FLT1: variants seen among roughly 807,000 people sequenced by gnomAD.
The protein encoded by FLT1 is vascular endothelial growth factor receptor 1.
In FLT1, 49 loss-of-function variants were observed where a neutral mutation model predicts 156.3. That is an observed-to-expected ratio of 0.31 (90% CI 0.25 to 0.40). FLT1 has a LOEUF of 0.40. Among genes scored for constraint, FLT1 ranks in the 10% least tolerant of loss-of-function variants. The probability of loss-of-function intolerance (pLI) is 1.00; values close to 1 mark genes in which losing one functional copy is unlikely to be tolerated. For missense variants in FLT1, 1,322 were observed against 1,637.2 expected (o/e 0.81, Z 3.32); for synonymous variants, 594 against 583.8 (o/e 1.02, Z -0.25).
At chr13:28,431,408 G>A in intron 6 of FLT1, 98 bp from the exon 7 acceptor site, 2 of 863,818 alleles carry the variant, frequency 2.3e-6, no homozygotes, top group Non-Finnish European at 3.8e-6. Context: ...TTCGACAACA[G>A]CTTCTGTTTT....
intron 18 of FLT1, among the ~76,000 whole-genome samples, chr13:28,330,651 A>C (rs991131518): frequency 2.0e-5 from 3 of 146,774 alleles, no homozygotes; most frequent in African/African-American, 7.8e-5. Flanking sequence ...CTATTTAAAA[A>C]ATCTATTTCC....
chr13:28,373,604 C>T (rs1873716689), intron 14 of FLT1, among the ~76,000 whole-genome samples: 1 of 152,090 alleles, frequency 6.6e-6, no homozygotes, highest in Non-Finnish European at 1.5e-5. Flanking sequence ...GGAAAAAGTC[C>T]ATCTAATTAT....
At chr13:28,457,904 A>C in intron 3 of FLT1, among the ~76,000 whole-genome samples, 1 of 146,548 alleles carries the variant, frequency 6.8e-6, no homozygotes, top group South Asian at 2.2e-4. Flanking sequence ...TGCCATCTTT[A>C]GATTTCTTTT....
At chr13:28,431,505 C>A (rs1431893621) in intron 6 of FLT1, among the ~76,000 whole-genome samples, 195 bp from the exon 7 acceptor site, 1 of 152,170 alleles carries the variant, frequency 6.6e-6, no homozygotes, top group Non-Finnish European at 1.5e-5. Flanking sequence ...TGTAGCATAG[C>A]AGGATTTATT....
At chr13:28,481,239 C>G (rs1199608098) in intron 1 of FLT1, among the ~76,000 whole-genome samples, 1 of 152,130 alleles carries the variant, frequency 6.6e-6, no homozygotes, top group African/African-American at 2.4e-5. Context: ...GGAAGCAATT[C>G]TCTAGAAGAT....
chr13:28,486,673 C>G (rs1881186863), intron 1 of FLT1, among the ~76,000 whole-genome samples: 1 of 152,236 alleles, frequency 6.6e-6, no homozygotes, highest in Non-Finnish European at 1.5e-5. Flanking sequence ...AAAACAGTCC[C>G]CCTCTCCTCA....
chr13:28,378,050 CTTTT>C (rs869039457), intron 14 of FLT1, among the ~76,000 whole-genome samples: 4 of 136,162 alleles, frequency 2.9e-5, no homozygotes, highest in Non-Finnish European at 4.8e-5. Flanking sequence ...GAGACTTAAT[CTTTT>C]TTTTTTTTTT....
chr13:28,421,728 A>C (rs79954425), intron 10 of FLT1, among the ~76,000 whole-genome samples: 2,561 of 152,340 alleles, frequency 0.017, 72 homozygotes, highest in African/African-American at 0.058. Context: ...AACAGAAGGG[A>C]AACATCAGTG....
chr13:28,391,401 T>C (rs1874704437), intron 12 of FLT1, among the ~76,000 whole-genome samples: 1 of 152,260 alleles, frequency 6.6e-6, no homozygotes, highest in East Asian at 1.9e-4. Context: ...AATGCATACC[T>C]TATTGCCTCC....
intron 14 of FLT1, among the ~76,000 whole-genome samples, chr13:28,370,426 C>T (rs533333667): frequency 6.6e-6 from 1 of 152,178 alleles, no homozygotes; most frequent in African/African-American, 2.4e-5. Flanking sequence ...TGTAACAAAC[C>T]TGCACGGTGT....
chr13:28,397,087 CT>C lies in FLT1; in HGVS notation c.1552-20del. ...TAGCCATCTGCAAAAGAAAAGGAAA[CT>C]TTAGCTAGCAACAGGACAAATAACT... On this transcript the variant is annotated intron_variant, in intron 11 of 29. Transcript: ENST00000282397. 1 of 1,458,606 alleles carries C rather than the reference CT, an allele frequency of 6.9e-7. No individual in the cohort carries two copies. The highest frequency in any genetic ancestry group is 9.6e-7 in the Non-Finnish European group (1 of 1,038,374). The allele number at this position is 1,458,606 out of a possible 1,614,324, so 90.4% of individuals were successfully genotyped here. A position where few individuals can be genotyped will look rare whatever the true frequency, so the allele number is the denominator to read the frequency against.
At chr13:28,412,785 G>A (rs1876386794) in intron 10 of FLT1, among the ~76,000 whole-genome samples, 1 of 138,542 alleles carries the variant, frequency 7.2e-6, no homozygotes, top group Non-Finnish European at 1.5e-5. Flanking sequence ...CGCCCAGGCT[G>A]GAGTGCAGTG....
chr13:28,326,659 G>A (rs936411857), intron 20 of FLT1, among the ~76,000 whole-genome samples: 1 of 151,786 alleles, frequency 6.6e-6, no homozygotes, highest in Non-Finnish European at 1.5e-5. Context: ...CCTAGTAGCT[G>A]GGATTACAGG....
chr13:28,375,375 C>A (rs1873795384), intron 14 of FLT1, among the ~76,000 whole-genome samples: 1 of 86,766 alleles, frequency 1.2e-5, no homozygotes, highest in African/African-American at 3.8e-5. Context: ...GCGCATAAAG[C>A]AACATTTTCA....
chr13:28,339,538 T>G (rs1035550983), intron 16 of FLT1, among the ~76,000 whole-genome samples: 3 of 152,206 alleles, frequency 2.0e-5, no homozygotes, highest in Non-Finnish European at 4.4e-5. Flanking sequence ...CCATCCTATC[T>G]TGGATAACAT....
chr13:28,423,500 TCA>T (rs1164696600), intron 10 of FLT1, among the ~76,000 whole-genome samples: 1 of 152,058 alleles, frequency 6.6e-6, no homozygotes, highest in Non-Finnish European at 1.5e-5. Flanking sequence ...GCAAAACTGC[TCA>T]CTGTTGTCAA....
At position 28,444,357 on chromosome 13, in the gene FLT1, C is replaced by T. The variant is rs554560605; in HGVS notation, c.389-6012G>A. 2.4e-4 allele frequency among the ~76,000 whole-genome samples: 36 copies of T among 152,148 alleles called. No homozygotes were observed. The South Asian group carries it at 4.2e-3, about 18-fold the overall frequency. Reference sequence around the variant, plus strand: ...TCGGGAGGCTGAGGCAGGAGACTGGCTTGAACCCAGGAGGCAGATGTTGCA... The same window carrying T: ...TCGGGAGGCTGAGGCAGGAGACTGGTTTGAACCCAGGAGGCAGATGTTGCA... On this transcript the variant is annotated intron_variant, in intron 3 of 29. Coordinates refer to ENST00000282397, the MANE Select transcript of FLT1 (RefSeq NM_002019.4).
At chr13:28,345,916 A>C in intron 15 of FLT1, 1 of 210,604 alleles carries the variant, frequency 4.7e-6, no homozygotes, top group Non-Finnish European at 9.7e-6. Flanking sequence ...AAAATGCTAA[A>C]TCTGGAATAT....
chr13:28,458,022 C>A (rs545434836), intron 3 of FLT1, among the ~76,000 whole-genome samples: 1 of 150,086 alleles, frequency 6.7e-6, no homozygotes, highest in Admixed American at 6.7e-5. Flanking sequence ...GCAACCTCCA[C>A]CTCCTGGGTT....
Sources: gnomAD v4.1 joint callset for allele counts (sites outside exome capture counted in the v4.1 genomes callset) on GRCh38, gnomAD v4.1.1 for gene constraint, MANE v1.5 for transcripts, NCBI Gene and HGNC (gene_info 2026-07-23, HGNC 2026-07-21) for gene names.